The following NCAM2 variants were observed in gnomAD, a reference collection of about 807,000 sequenced individuals.
NCAM2 encodes the protein neural cell adhesion molecule 2.
In NCAM2, 30 loss-of-function variants were observed where a neutral mutation model predicts 98.1. The ratio of observed to expected loss-of-function variants is 0.31; its 90% CI spans 0.23 to 0.41. The LOEUF (loss-of-function observed/expected upper bound fraction) is 0.41. NCAM2 is among the 10% of genes least tolerant of loss of function. The pLI, the probability that NCAM2 is intolerant of heterozygous loss-of-function variation, is 1.00. For missense variants in NCAM2, 867 were observed against 1,005.8 expected, an observed-to-expected ratio of 0.86 and a Z score of 1.87; for synonymous variants, 368 against 342.4, an observed-to-expected ratio of 1.07 and a Z score of -0.83.
intron 1 of NCAM2, among the ~76,000 whole-genome samples, chr21:21,201,271 T>A (rs2069209895): frequency 6.6e-6 from 1 of 152,270 alleles, no homozygotes; most frequent in Admixed American, 6.5e-5. Context: ...TGATATGAAA[T>A]AGTTTATACC....
intron 1 of NCAM2, among the ~76,000 whole-genome samples, chr21:21,101,074 T>G (rs1254672791): frequency 6.6e-6 from 1 of 152,012 alleles, no homozygotes; most frequent in Non-Finnish European, 1.5e-5. Context: ...TTTTGTGAGG[T>G]ATTACAAAGA....
intron 1 of NCAM2, among the ~76,000 whole-genome samples, chr21:21,202,143 G>C (rs561356538): frequency 6.6e-6 from 1 of 151,996 alleles, no homozygotes; most frequent in South Asian, 2.1e-4. Flanking sequence ...CTTTGGAGCT[G>C]GAATATCAGG....
At chr21:21,100,474 A>G (rs995453859) in intron 1 of NCAM2, among the ~76,000 whole-genome samples, 5 of 152,004 alleles carry the variant, frequency 3.3e-5, no homozygotes, top group African/African-American at 1.2e-4. Flanking sequence ...TTGCCCCAGA[A>G]AACATGATGC....
In NCAM2 at chr21:21,509,581, T is replaced by A. The variant is rs560128505; in HGVS notation, c.2282+526T>A. ...ATTACAGATTCTGAATATACTATTC[T>A]AAAATTTGATCAAAAGTTGATTACT... is the stretch of plus-strand genomic sequence containing the variant. On this transcript the variant is annotated intron_variant, in intron 16 of 17. Coordinates refer to ENST00000400546, the MANE Select transcript of NCAM2 (RefSeq NM_004540.5). Among the ~76,000 whole-genome samples the A allele has an allele frequency of 1.1e-4, 16 of 152,306 alleles. No individual in the cohort carries two copies. In the South Asian group the frequency reaches 3.3e-3, roughly 32 times the overall value.
intron 1 of NCAM2, among the ~76,000 whole-genome samples, chr21:21,097,729 G>A (rs1397711662): frequency 6.6e-6 from 1 of 151,194 alleles, no homozygotes; most frequent in Non-Finnish European, 1.5e-5. Flanking sequence ...TGTTACATCA[G>A]GACACTCATT....
At position 21,315,116 on chromosome 21, in the gene NCAM2, A is replaced by AAG. The variant is rs762301498; in HGVS notation, c.620-9266_620-9265insGA. On this transcript the variant is annotated intron_variant, in intron 5 of 17. Transcript: ENST00000400546. ...ATCAGTTTGTTTAGATCAGACAACA[A>AAG]ATTCTGACCATCTTTCTTGGTTTTA... Among the ~76,000 whole-genome samples the AAG allele has an allele frequency of 7.2e-3, 1,097 of 152,266 alleles. 13 individuals are homozygous for AAG. The highest frequency in any genetic ancestry group is 0.013 in the South Asian group (65 of 4,822).
At chr21:21,016,034 T>C (rs2064302091) in intron 1 of NCAM2, among the ~76,000 whole-genome samples, 1 of 152,162 alleles carries the variant, frequency 6.6e-6, no homozygotes, top group Non-Finnish European at 1.5e-5. Context: ...TTGATTTTCT[T>C]TGGAGGAAAA....
intron 12 of NCAM2, among the ~76,000 whole-genome samples, chr21:21,458,408 G>A (rs1444585063): frequency 3.3e-5 from 5 of 152,200 alleles, no homozygotes; most frequent in East Asian, 3.9e-4. Flanking sequence ...CTGGAGAGCC[G>A]CTGGGCCCCA....
intron 1 of NCAM2, among the ~76,000 whole-genome samples, chr21:21,117,551 A>G (rs2066589018): frequency 6.6e-6 from 1 of 152,218 alleles, no homozygotes; most frequent in Non-Finnish European, 1.5e-5. Flanking sequence ...ATGCAATGAA[A>G]TGTAACAGCA....
At chr21:21,530,224 TTATATATATTTAATTTAAATTAATTA>T (rs1989577432) in intron 16 of NCAM2, among the ~76,000 whole-genome samples, 1 of 70,968 alleles carries the variant, frequency 1.4e-5, no homozygotes, top group Non-Finnish European at 3.3e-5. Flanking sequence ...TTTAATTTAA[TTATATATATTTAATTTAAATTAATTA>T]TATATAATTT....
At chr21:21,282,957 C>G (rs2072980753) in intron 2 of NCAM2, among the ~76,000 whole-genome samples, 1 of 151,664 alleles carries the variant, frequency 6.6e-6, no homozygotes, top group Non-Finnish European at 1.5e-5. Flanking sequence ...TCCTATTTAA[C>G]TTACTATATA....
At chr21:21,379,323 C>T (rs2076098850) in intron 9 of NCAM2, among the ~76,000 whole-genome samples, 1 of 151,872 alleles carries the variant, frequency 6.6e-6, no homozygotes, top group Non-Finnish European at 1.5e-5. Context: ...TCACCATGCA[C>T]TTAGTTGTAG....
rs752380818 is a variant in NCAM2 at position 21,534,708 on chromosome 21, T to C, written c.2402+52T>C. On this transcript the variant is annotated intron_variant, in intron 17 of 17. Transcript: ENST00000400546. ...GTTCAAATGGGTATTGGCAAAATGA[T>C]AACACATTATTATTGTTGTATTACA... The C allele has an allele frequency of 1.0e-5, 14 of 1,402,590 alleles. No individual in the cohort carries two copies. In the Admixed American group the frequency reaches 3.6e-4, roughly 36 times the overall value. 86.9% of individuals were successfully genotyped at this position (1,402,590 alleles called of 1,614,324 possible).
At chr21:21,516,568 T>A (rs1988724029) in intron 16 of NCAM2, among the ~76,000 whole-genome samples, 1 of 152,138 alleles carries the variant, frequency 6.6e-6, no homozygotes, top group African/African-American at 2.4e-5. Flanking sequence ...GTTCCTGTAA[T>A]ATCACATTTT....
intron 1 of NCAM2, among the ~76,000 whole-genome samples, chr21:21,100,441 A>T (rs2066216506): frequency 6.6e-6 from 1 of 151,928 alleles, no homozygotes; most frequent in African/African-American, 2.4e-5. Flanking sequence ...ATGAAAGACA[A>T]AGCCAGAAGT....
Position 21,284,399 on chromosome 21 carries a change from C to T in NCAM2, c.336C>T (p.Tyr112=). The change falls in exon 3 of 18, where the codon TAC becomes TAT. Residue 112 remains tyrosine (Y), a splice_region_variant and synonymous_variant. Coordinates refer to ENST00000400546, the MANE Select transcript of NCAM2 (RefSeq NM_004540.5). Reference sequence around the variant, plus strand: ...AAGCTACAGTAGTTTTGGAAATTTACCGTAAGTAATGTATTTATATGTTTT... The same window carrying T: ...AAGCTACAGTAGTTTTGGAAATTTATCGTAAGTAATGTATTTATATGTTTT... The part of the protein sequence containing the change: ...TQEATVVLEI[Y]QKLTFREVVS... 6.2e-7 allele frequency: 1 copy of T among 1,602,178 alleles called. No homozygotes were observed. Among genetic ancestry groups the T allele is most frequent in the Non-Finnish European group, 8.5e-7 (1 of 1,170,212 alleles).
At chr21:21,315,229 G>A (rs764580135) in intron 5 of NCAM2, among the ~76,000 whole-genome samples, 5 of 152,140 alleles carry the variant, frequency 3.3e-5, no homozygotes, top group Non-Finnish European at 4.4e-5. Context: ...CCATATGGAG[G>A]TTTACCTTTT....
At chr21:21,329,898 G>A (rs2074624747) in intron 6 of NCAM2, among the ~76,000 whole-genome samples, 1 of 152,008 alleles carries the variant, frequency 6.6e-6, no homozygotes, top group African/African-American at 2.4e-5. Context: ...GCAATTCCAG[G>A]AATTTGTCCA....
At chr21:21,229,415 CTT>C (rs1601708099) in intron 1 of NCAM2, among the ~76,000 whole-genome samples, 1 of 151,434 alleles carries the variant, frequency 6.6e-6, no homozygotes, top group African/African-American at 2.4e-5. Flanking sequence ...ACTTTAACAA[CTT>C]ATATCTTAGG....
Sources: gnomAD v4.1 joint callset for allele counts (sites outside exome capture counted in the v4.1 genomes callset) on GRCh38, gnomAD v4.1.1 for gene constraint, MANE v1.5 for transcripts, NCBI Gene and HGNC (gene_info 2026-07-23, HGNC 2026-07-21) for gene names.